PGM3: variants seen among roughly 807,000 people sequenced by gnomAD.
PGM3 encodes phosphoglucomutase 3.
Under a neutral mutation model 66.2 loss-of-function variants are expected in PGM3, and 40 were observed. That is an observed-to-expected ratio of 0.60 (90% confidence interval 0.47 to 0.79). The LOEUF is 0.79. PGM3 is among the 30% of genes least tolerant of loss of function. The probability of loss-of-function intolerance (pLI) is 0.00; values close to 1 mark genes in which losing one functional copy is unlikely to be tolerated. For missense variants in PGM3, 537 were observed against 643.4 expected, an observed-to-expected ratio of 0.83 and a Z score of 1.79; for synonymous variants, 191 against 224.2, an observed-to-expected ratio of 0.85 and a Z score of 1.32.
Position 83,169,306 on chromosome 6 carries a change from A to G in PGM3, c.1557T>C (p.Leu519=), listed in dbSNP as rs1159459020. The change falls in exon 13 of 13, where the codon CTT becomes CTC. Residue 519 remains leucine (L), a synonymous_variant. Transcript: ENST00000513973. ...ATACTGCCAAGCTCACTTCATGTGC[A>G]AGGTGATCTGCACTTTCCTGCAAAT... ...EADSQESADH[L]AHEVSLAVFQ... 2 of 1,613,804 alleles carry G rather than the reference A, an allele frequency of 1.2e-6. No homozygotes were observed. The highest frequency in any genetic ancestry group is 2.2e-5 in the South Asian group (2 of 91,072).
At chr6:83,155,336 A>C in the PGM3 span, among the ~76,000 whole-genome samples, 3 of 151,834 alleles carry the variant, frequency 2.0e-5, no homozygotes, top group African/African-American at 7.3e-5. Context: ...CAAATGTGGT[A>C]TGTACCTGTA....
At chr6:83,193,721 T>G (rs1190057173), upstream of PGM3, 1 of 153,092 alleles carries the variant, frequency 6.5e-6, no homozygotes. Context: ...CCCAAACCTT[T>G]GAATCTGGGA....
chr6:83,188,731 G>T lies in PGM3; in HGVS notation c.272C>A (p.Ala91Asp), dbSNP rs1323403047. The T allele has an allele frequency of 6.2e-7, 1 of 1,613,936 alleles. No individual in the cohort carries two copies. The highest frequency in any genetic ancestry group is 8.5e-7 in the Non-Finnish European group (1 of 1,179,862). ...TTCCTCAGCATTTGCTAAACAGGTG[G>T]CATGTTCCTCCCAGGATGGTGCCAA... Reference protein sequence around the residue: ...EMLAPSWEEHATCLANAEEQD... With the variant: ...EMLAPSWEEHDTCLANAEEQD... The change falls in exon 3 of 13, where the codon GCC becomes GAC. Residue 91 changes from alanine (A) to aspartate (D), a missense_variant. Physicochemically the swap from Ala to Asp is moderately radical, Grantham distance 126 (BLOSUM62 -2). Transcript: ENST00000513973.
At chr6:83,164,761 T>C (rs768268970), downstream of PGM3, 31 of 1,512,970 alleles carry the variant, frequency 2.0e-5, 1 homozygote, top group East Asian at 4.5e-4. Context: ...GCAGCAAAAG[T>C]TGCCAAATAT....
downstream of PGM3, chr6:83,159,741 G>C: frequency 6.3e-7 from 1 of 1,597,726 alleles, no homozygotes; most frequent in Non-Finnish European, 8.6e-7. Context: ...ATCTTTCCAG[G>C]AATTCCTGTG....
intron 9 of PGM3, among the ~76,000 whole-genome samples, chr6:83,175,356 T>C (rs1046059579): frequency 6.6e-6 from 1 of 152,220 alleles, no homozygotes; most frequent in Admixed American, 6.5e-5. Context: ...TTTATATTTA[T>C]GCCCTCCAAA....
At chr6:83,187,715 A>C (rs1393253724) in intron 3 of PGM3, among the ~76,000 whole-genome samples, 1 of 152,198 alleles carries the variant, frequency 6.6e-6, no homozygotes, top group Non-Finnish European at 1.5e-5. Flanking sequence ...GAGGCAGGAG[A>C]ATCACTTGAC....
chr6:83,185,776 TA>T (rs1788537040), intron 4 of PGM3, among the ~76,000 whole-genome samples: 1 of 151,574 alleles, frequency 6.6e-6, no homozygotes. Flanking sequence ...AATAAATAAA[TA>T]AGTAAATAAA....
downstream of PGM3, among the ~76,000 whole-genome samples, chr6:83,161,952 A>G (rs1387075483): frequency 6.6e-6 from 1 of 152,180 alleles, no homozygotes; most frequent in Non-Finnish European, 1.5e-5. Context: ...GTGTACTACT[A>G]TGTTGCTGTT....
rs1786499876 is a variant in PGM3 at position 83,169,084 on chromosome 6, G to C, written c.*150C>G. The C allele has an allele frequency of 1.4e-6, 2 of 1,439,192 alleles. No individual in the cohort carries two copies. Among genetic ancestry groups the C allele is most frequent in the South Asian group, 3.0e-5 (2 of 66,778 alleles). The allele number at this position is 1,439,192 out of a possible 1,614,324, so 89.2% of individuals were successfully genotyped here. ...TTACCTATTTATAAAGAATTATTCTGTTAGTGTTTAAGAAAAACAGATCTA... is the reference window on the plus strand; with the variant it reads ...TTACCTATTTATAAAGAATTATTCTCTTAGTGTTTAAGAAAAACAGATCTA... On this transcript the variant is annotated 3_prime_UTR_variant, in exon 13 of 13. Transcript: ENST00000513973.
In PGM3 at chr6:83,172,073, A is replaced by C. The variant is rs184493977; in HGVS notation, c.1243-14T>G. 3 of 1,612,412 alleles carry C rather than the reference A, an allele frequency of 1.9e-6. No individual in the cohort carries two copies. The East Asian group carries it at 6.7e-5, about 36-fold the overall frequency. ...ATCACCAGCTGCCTGCAAATGGGGAAACAAATGGAAGAAACCACTTAACAC... is the reference window on the plus strand; with the variant it reads ...ATCACCAGCTGCCTGCAAATGGGGACACAAATGGAAGAAACCACTTAACAC... On this transcript the variant is annotated splice_polypyrimidine_tract_variant and intron_variant, in intron 10 of 12. Coordinates refer to ENST00000513973, the MANE Select transcript of PGM3 (RefSeq NM_015599.3).
downstream of PGM3, among the ~76,000 whole-genome samples, chr6:83,160,577 G>A (rs899747290): frequency 6.6e-6 from 1 of 152,172 alleles, no homozygotes; most frequent in African/African-American, 2.4e-5. Flanking sequence ...GAATGGACTG[G>A]AGCTGGGCAA....
rs1447715554 is a variant in PGM3 at position 83,170,468 on chromosome 6, C to T, written c.1376G>A (p.Arg459Lys). 5.0e-6 allele frequency: 8 copies of T among 1,613,710 alleles called. No individual in the cohort carries two copies. Among genetic ancestry groups the T allele is most frequent in the Non-Finnish European group, 6.8e-6 (8 of 1,179,758 alleles). The change falls in exon 12 of 13, where the codon AGG becomes AAG. Residue 459 changes from arginine (R) to lysine (K), a missense_variant. Coordinates refer to ENST00000513973, the MANE Select transcript of PGM3 (RefSeq NM_015599.3). ...NRQLKVQVAD[R>K]RVISTTDAER... The stretch of plus-strand genomic sequence containing the variant: ...AGCATCGGTAGTGCTAATAACTCTC[C>T]TGTCTGCAACCTAAGTGCAAGCATT...
chr6:83,182,101 C>A (rs1249654221), intron 5 of PGM3, among the ~76,000 whole-genome samples, 170 bp from the exon 6 acceptor site: 1 of 152,024 alleles, frequency 6.6e-6, no homozygotes, highest in East Asian at 1.9e-4. Flanking sequence ...AATTATAAAA[C>A]ACTAAAGTAA....
chr6:83,178,523 A>G (rs1787940799), intron 8 of PGM3, 150 bp downstream of exon 8: 1 of 598,450 alleles, frequency 1.7e-6, no homozygotes. Context: ...GGACAACTAA[A>G]TTTTTTCTTA....
the PGM3 span, among the ~76,000 whole-genome samples, chr6:83,152,944 C>T: frequency 6.6e-6 from 1 of 152,066 alleles, no homozygotes; most frequent in Admixed American, 6.6e-5. Context: ...TGATCTAAAG[C>T]CTGCCACTAT....
In PGM3 at chr6:83,179,856, T is replaced by G. The variant is rs1316261784; in HGVS notation, c.899A>C (p.Lys300Thr). ...GAAACTGCTAATTAACGTTGCTATC[T>G]TGTCTCCATCTATGAGATGAAAGTG... is the stretch of plus-strand genomic sequence containing the variant. Reference protein sequence around the residue: ...DGHFHLIDGDKIATLISSFLK... With the variant: ...DGHFHLIDGDTIATLISSFLK... Residue 300 changes from lysine to threonine, a missense_variant, in exon 7 of 13, where the codon AAG (lysine) becomes ACG (threonine). Physicochemically the swap from Lys to Thr is moderately conservative, Grantham distance 78 (BLOSUM62 -1). Coordinates refer to ENST00000513973, the MANE Select transcript of PGM3 (RefSeq NM_015599.3). 6 of 1,613,412 alleles carry G rather than the reference T, an allele frequency of 3.7e-6. No homozygotes were observed. Among genetic ancestry groups the G allele is most frequent in the Non-Finnish European group, 5.1e-6 (6 of 1,179,664 alleles).
At chr6:83,159,134 CAGT>C (rs1783575714), downstream of PGM3, among the ~76,000 whole-genome samples, 1 of 152,124 alleles carries the variant, frequency 6.6e-6, no homozygotes, top group Admixed American at 6.5e-5. Context: ...TTTTCTTCTT[CAGT>C]AGTAGATTTA....
In PGM3 at chr6:83,174,016, A is replaced by G. The variant is rs187843951; in HGVS notation, c.1242+358T>C. ...CTCCCAAAGGGCTGGGATTACAGGC[A>G]TGAGCCACCGTGCCTGGCCTGACAA... On this transcript the variant is annotated intron_variant, in intron 10 of 12. Coordinates refer to ENST00000513973, the MANE Select transcript of PGM3 (RefSeq NM_015599.3). Among the ~76,000 whole-genome samples the G allele has an allele frequency of 7.3e-3, 1,117 of 152,170 alleles. 5 individuals are homozygous for G. The highest frequency in any genetic ancestry group is 8.4e-3 in the Non-Finnish European group (571 of 67,974).
Sources: allele counts gnomAD v4.1 joint callset (sites outside exome capture counted in the v4.1 genomes callset), GRCh38; gene constraint gnomAD v4.1.1; transcripts MANE v1.5; gene names NCBI Gene and HGNC (gene_info 2026-07-23, HGNC 2026-07-21).